FBXO4: variants seen among roughly 807,000 people sequenced by gnomAD.
FBXO4 encodes the protein F-box protein 4.
In FBXO4, 36 loss-of-function variants were observed where a neutral mutation model predicts 43.7. The ratio of observed to expected loss-of-function variants is 0.82; its 90% CI spans 0.63 to 1.09. The LOEUF (loss-of-function observed/expected upper bound fraction) is 1.09. Ranked by LOEUF, FBXO4 falls within the 50% of genes least tolerant of loss-of-function variation. The probability of loss-of-function intolerance (pLI) is 0.00; values close to 1 mark genes in which losing one functional copy is unlikely to be tolerated. For missense variants in FBXO4, 435 were observed against 474.1 expected (o/e 0.92, Z 0.77); for synonymous variants, 180 against 165.6 (o/e 1.09, Z -0.67).
chr5:41,972,813 G>A, the FBXO4 span, among the ~76,000 whole-genome samples: 153 of 152,102 alleles, frequency 1.0e-3, no homozygotes, highest in Middle Eastern at 6.8e-3. Flanking sequence ...CTGACAACAA[G>A]CAATGGGAAA....
At chr5:41,968,146 A>T in the FBXO4 span, 4 of 271,482 alleles carry the variant, frequency 1.5e-5, no homozygotes, top group Non-Finnish European at 1.5e-5. Flanking sequence ...AAGAGTGAGT[A>T]TCTGACTGCA....
intron 6 of FBXO4, 93 bp downstream of exon 6, chr5:41,939,709 T>C (rs1751952400): frequency 3.7e-6 from 4 of 1,071,828 alleles, no homozygotes; most frequent in Non-Finnish European, 3.9e-6. Flanking sequence ...TTTAATGAAA[T>C]GGCATTCTAA....
At chr5:42,009,667 A>C in the FBXO4 span, among the ~76,000 whole-genome samples, 5 of 152,194 alleles carry the variant, frequency 3.3e-5, no homozygotes, top group African/African-American at 4.8e-5. Context: ...ATGATGCTGC[A>C]CATCTCTGTC....
intron 5 of FBXO4, among the ~76,000 whole-genome samples, chr5:41,937,061 T>C (rs1002870447): frequency 4.6e-5 from 7 of 152,138 alleles, no homozygotes; most frequent in African/African-American, 1.7e-4. Flanking sequence ...TTATCTGTAA[T>C]TGGAGTCCCA....
At chr5:41,994,618 C>T in the FBXO4 span, among the ~76,000 whole-genome samples, 1 of 152,100 alleles carries the variant, frequency 6.6e-6, no homozygotes, top group South Asian at 2.1e-4. Flanking sequence ...ATTATAACAC[C>T]CTTACCTGTG....
At chr5:42,032,229 C>T in the FBXO4 span, among the ~76,000 whole-genome samples, 1 of 152,118 alleles carries the variant, frequency 6.6e-6, no homozygotes, top group African/African-American at 2.4e-5. Context: ...AGTGACGGCC[C>T]TCTGGCTACT....
chr5:42,011,792 A>G, the FBXO4 span, among the ~76,000 whole-genome samples: 10 of 152,158 alleles, frequency 6.6e-5, no homozygotes, highest in Non-Finnish European at 1.5e-4. Flanking sequence ...AATATTTTCT[A>G]ATTGTACAAA....
At chr5:41,934,575 C>T (rs1311581833) in intron 5 of FBXO4, 3 of 1,329,834 alleles carry the variant, frequency 2.3e-6, no homozygotes, top group Non-Finnish European at 2.9e-6. Flanking sequence ...ATTTGGGCAT[C>T]TGTTTTTTCC....
chr5:41,966,660 C>T, the FBXO4 span, among the ~76,000 whole-genome samples: 2 of 152,204 alleles, frequency 1.3e-5, no homozygotes, highest in African/African-American at 4.8e-5. Flanking sequence ...CCAATCGATA[C>T]GTATATAGAT....
intron 1 of FBXO4, among the ~76,000 whole-genome samples, chr5:41,926,478 C>G (rs984815389): frequency 6.6e-6 from 1 of 152,172 alleles, no homozygotes; most frequent in African/African-American, 2.4e-5. Context: ...GAGGCTGAGG[C>G]AGGAGCATGG....
chr5:42,004,936 C>T, the FBXO4 span, among the ~76,000 whole-genome samples: 2 of 152,120 alleles, frequency 1.3e-5, no homozygotes, highest in Admixed American at 6.6e-5. Flanking sequence ...AACTGAGGGA[C>T]GGAGGCATTG....
the FBXO4 span, among the ~76,000 whole-genome samples, chr5:41,965,623 T>G: frequency 6.6e-6 from 1 of 152,142 alleles, no homozygotes; most frequent in Non-Finnish European, 1.5e-5. Flanking sequence ...TGAGATACCA[T>G]CTCACACCAG....
downstream of FBXO4, among the ~76,000 whole-genome samples, chr5:41,945,453 T>C (rs1752063289): frequency 6.6e-6 from 1 of 152,202 alleles, no homozygotes; most frequent in African/African-American, 2.4e-5. Context: ...GGAATAAAGA[T>C]GAAATGCTCC....
the FBXO4 span, among the ~76,000 whole-genome samples, chr5:41,952,383 G>A: frequency 5.9e-5 from 9 of 152,138 alleles, no homozygotes; most frequent in Non-Finnish European, 1.2e-4. Context: ...TTCAAATAAT[G>A]TGTCCATTTA....
At chr5:41,963,203 A>G in the FBXO4 span, among the ~76,000 whole-genome samples, 5 of 151,888 alleles carry the variant, frequency 3.3e-5, no homozygotes, top group African/African-American at 9.7e-5. Flanking sequence ...TAATATATAT[A>G]CTATATATAC....
At chr5:41,977,239 G>C in the FBXO4 span, among the ~76,000 whole-genome samples, 1 of 152,244 alleles carries the variant, frequency 6.6e-6, no homozygotes, top group African/African-American at 2.4e-5. Flanking sequence ...CTCCCTTTTA[G>C]TCATACTAAT....
At chr5:41,961,260 G>A in the FBXO4 span, among the ~76,000 whole-genome samples, 3 of 151,966 alleles carry the variant, frequency 2.0e-5, no homozygotes, top group Middle Eastern at 3.4e-3. Flanking sequence ...TGCAGTGTTT[G>A]ATGGTGATGG....
chr5:41,967,965 GA>G, the FBXO4 span: 2 of 492,282 alleles, frequency 4.1e-6, no homozygotes, highest in South Asian at 3.1e-5. Flanking sequence ...GAGTTTTGCT[GA>G]CCAGAGCCAC....
the FBXO4 span, among the ~76,000 whole-genome samples, chr5:41,978,091 A>G: frequency 1.3e-5 from 2 of 152,278 alleles, no homozygotes; most frequent in South Asian, 2.1e-4. Context: ...GAAGCTTACT[A>G]TCATGGCCTA....
Sources: gnomAD v4.1 joint callset for allele counts (sites outside exome capture counted in the v4.1 genomes callset) on GRCh38, gnomAD v4.1.1 for gene constraint, MANE v1.5 for transcripts, NCBI Gene and HGNC (gene_info 2026-07-23, HGNC 2026-07-21) for gene names.